SLC9A3: variants seen among roughly 807,000 people sequenced by gnomAD.
The protein encoded by SLC9A3 is solute carrier family 9 member A3, also known as sodium/hydrogen exchanger 3.
In SLC9A3, 37 loss-of-function variants were observed where a neutral mutation model predicts 86.8. The ratio of observed to expected loss-of-function variants is 0.43; its 90% CI spans 0.33 to 0.56. SLC9A3 has a LOEUF of 0.56. Among genes scored for constraint, SLC9A3 ranks in the 20% least tolerant of loss-of-function variants. The pLI, the probability that SLC9A3 is intolerant of heterozygous loss-of-function variation, is 0.06. For missense variants in SLC9A3, 1,011 were observed against 1,171.9 expected (o/e 0.86, Z 2.00); for synonymous variants, 581 against 528.3 (o/e 1.10, Z -1.37).
intron 10 of SLC9A3, chr5:477,684 GTCA>G: frequency 2.0e-6 from 1 of 490,528 alleles, no homozygotes. Flanking sequence ...CTGGGCAGAG[GTCA>G]TGCTTGTGGG....
In SLC9A3 at chr5:471,995, G is replaced by A. The variant is rs773915247; in HGVS notation, c.*1384C>T. 2.2e-6 allele frequency: 1 copy of A among 456,658 alleles called. No homozygotes were observed. Among genetic ancestry groups the A allele is most frequent in the African/African-American group, 2.0e-5 (1 of 50,210 alleles). The allele number at this position is 456,658 out of a possible 1,614,324, so 28.3% of individuals were successfully genotyped here. On this transcript the variant is annotated 3_prime_UTR_variant, in exon 17 of 17. Transcript: ENST00000264938. The stretch of plus-strand genomic sequence containing the variant: ...AACGTGAATAGTTTAATTTTCCTGA[G>A]CAAGGAGCTGCGAGTCTAGCTTTAG...
At position 476,337 on chromosome 5, in the gene SLC9A3, C is replaced by T. The variant is rs776115415; in HGVS notation, c.1932G>A (p.Glu644=). Residue 644 remains glutamate, a synonymous_variant, in exon 13 of 17, where the codon GAG becomes GAA. Coordinates refer to ENST00000264938, the MANE Select transcript of SLC9A3 (RefSeq NM_004174.4). ...LYSRHELTPT[E]DEKQDREIFH... is the part of the protein sequence containing the mutation. The stretch of plus-strand genomic sequence containing the variant: ...AGATTTCCCGGTCCTGTTTCTCGTC[C>T]TCCGTGGGCGTGAGCTCGTGTCGGC... The T allele has an allele frequency of 5.6e-6, 9 of 1,613,824 alleles. No homozygotes were observed. The South Asian group carries it at 6.6e-5, about 12-fold the overall frequency.
In SLC9A3 at chr5:473,305, G is replaced by A. The variant is rs111752778; in HGVS notation, c.*74C>T. On this transcript the variant is annotated 3_prime_UTR_variant, in exon 17 of 17. Transcript: ENST00000264938. Reference sequence around the variant, plus strand: ...CGCGCGGGGATCTGGGGTTTCTCTGGGACAGCGGCGGCGGCGGTGGGCGGA... The same window carrying A: ...CGCGCGGGGATCTGGGGTTTCTCTGAGACAGCGGCGGCGGCGGTGGGCGGA... The A allele has an allele frequency of 6.6e-6, 9 of 1,363,044 alleles. No individual in the cohort carries two copies. Among genetic ancestry groups the A allele is most frequent in the East Asian group, 3.1e-5 (1 of 32,334 alleles). 84.4% of individuals were successfully genotyped at this position (1,363,044 alleles called of 1,614,324 possible).
intron 4 of SLC9A3, 113 bp from the exon 5 acceptor site, chr5:484,810 C>A: frequency 1.0e-6 from 1 of 1,003,270 alleles, no homozygotes; most frequent in South Asian, 1.5e-5. Flanking sequence ...GGGTGGATCC[C>A]TCACTCTCTT....
At chr5:495,231 C>G (rs546976396) in intron 1 of SLC9A3, among the ~76,000 whole-genome samples, 1 of 152,108 alleles carries the variant, frequency 6.6e-6, no homozygotes, top group Non-Finnish European at 1.5e-5. Context: ...CAGCCACAGT[C>G]TTCCAAAATT....
intron 2 of SLC9A3, among the ~76,000 whole-genome samples, chr5:489,414 G>C (rs1485685037): frequency 6.6e-6 from 1 of 152,302 alleles, no homozygotes; most frequent in Non-Finnish European, 1.5e-5. Flanking sequence ...GCTGAGGCTC[G>C]GGCTGAGGAG....
Position 483,270 on chromosome 5 carries a change from C to G in SLC9A3, c.1145G>C (p.Arg382Pro). 6.5e-7 allele frequency: 1 copy of G among 1,544,888 alleles called. No homozygotes were observed. ...ACCCGGCCCCGCCTCACCGATGGCC[C>G]GGTACACGGAGATGAAGACCAGCGT... Reference protein sequence around the residue: ...LLTLVFISVYRAIGVVLQTWL... With the variant: ...LLTLVFISVYPAIGVVLQTWL... The change falls in exon 6 of 17, where the codon CGG becomes CCG. Residue 382 changes from arginine to proline, a missense_variant. By Grantham distance (103) the Arg-to-Pro change is moderately radical (BLOSUM62 -2). Coordinates refer to ENST00000264938, the MANE Select transcript of SLC9A3 (RefSeq NM_004174.4).
At chr5:514,488 G>T (rs954765582) in intron 1 of SLC9A3, among the ~76,000 whole-genome samples, 1 of 152,232 alleles carries the variant, frequency 6.6e-6, no homozygotes, top group Non-Finnish European at 1.5e-5. Flanking sequence ...CCTGTCGGGG[G>T]CTTTGCTCAC....
intron 9 of SLC9A3, chr5:480,890 A>C (rs1374490463): frequency 6.6e-6 from 1 of 152,298 alleles, no homozygotes; most frequent in Non-Finnish European, 1.5e-5. Flanking sequence ...CTTAATGGAC[A>C]AACTCTTTTT....
At chr5:506,750 C>A (rs998974110) in intron 1 of SLC9A3, among the ~76,000 whole-genome samples, 1 of 152,130 alleles carries the variant, frequency 6.6e-6, no homozygotes, top group South Asian at 2.1e-4. Flanking sequence ...AAGGATAAAA[C>A]GTGTTATTTA....
At chr5:501,253 G>A (rs1740264528) in intron 1 of SLC9A3, among the ~76,000 whole-genome samples, 1 of 152,162 alleles carries the variant, frequency 6.6e-6, no homozygotes, top group Non-Finnish European at 1.5e-5. Context: ...CACACCCCTC[G>A]GAGCACAGAG....
At chr5:474,168 TGCGGAGAGGGGTTAG>T (rs1325248222) in intron 16 of SLC9A3, among the ~76,000 whole-genome samples, 1 of 119,182 alleles carries the variant, frequency 8.4e-6, no homozygotes, top group Non-Finnish European at 1.7e-5. Context: ...GGAGAGGAGC[TGCGGAGAGGGGTTAG>T]GCGGGGAGGG....
rs1579754470 is a variant in SLC9A3 at position 472,385 on chromosome 5, G to T, written c.*994C>A. 6 of 334,666 alleles carry T rather than the reference G, an allele frequency of 1.8e-5. No homozygotes were observed. Among genetic ancestry groups the T allele is most frequent in the South Asian group, 1.4e-4 (6 of 44,304 alleles). 20.7% of individuals were successfully genotyped at this position (334,666 alleles called of 1,614,324 possible). The stretch of plus-strand genomic sequence containing the variant: ...CTCCATGCCCCCTGGTTTGTTAAGG[G>T]GGACAGAGCAGCTGCTGGGCCCCAC... On this transcript the variant is annotated 3_prime_UTR_variant, in exon 17 of 17. Coordinates refer to ENST00000264938, the MANE Select transcript of SLC9A3 (RefSeq NM_004174.4).
chr5:511,419 C>A (rs1289567189), intron 1 of SLC9A3, among the ~76,000 whole-genome samples: 2 of 152,298 alleles, frequency 1.3e-5, no homozygotes, highest in Non-Finnish European at 2.9e-5. Context: ...GTTTATCATT[C>A]AAACATACAA....
chr5:507,232 G>C (rs1198745996), intron 1 of SLC9A3, among the ~76,000 whole-genome samples: 3 of 105,206 alleles, frequency 2.9e-5, no homozygotes, highest in African/African-American at 3.9e-5. Flanking sequence ...GCGGTGGCGC[G>C]ATCTGGGCTC....
rs79593791 is a variant in SLC9A3, at chr5:504,503, G to A, written c.212-12432C>T. ...AGCCTCCTCCAGTGTGTCCGGCGGC[G>A]GCAGCCAGGGAGGGTGCCGGGACCT... On this transcript the variant is annotated intron_variant, in intron 1 of 16. Coordinates refer to ENST00000264938, the MANE Select transcript of SLC9A3 (RefSeq NM_004174.4). Among the ~76,000 whole-genome samples, 45 of 152,300 alleles carry A rather than the reference G, an allele frequency of 3.0e-4. No individual in the cohort carries two copies. The East Asian group carries it at 7.5e-3, about 26-fold the overall frequency.
At chr5:477,801 T>C in intron 10 of SLC9A3, 1 of 207,868 alleles carries the variant, frequency 4.8e-6, no homozygotes, top group South Asian at 8.7e-5. Flanking sequence ...TCTCTGTCCC[T>C]GCAGGAGACC....
chr5:502,262 G>A (rs1217513489), intron 1 of SLC9A3, among the ~76,000 whole-genome samples: 1 of 152,222 alleles, frequency 6.6e-6, no homozygotes, highest in African/African-American at 2.4e-5. Context: ...CTTCCTCTCT[G>A]GGACCCAGCC....
chr5:503,253 G>C (rs560032843), intron 1 of SLC9A3, among the ~76,000 whole-genome samples: 2 of 152,218 alleles, frequency 1.3e-5, no homozygotes, highest in African/African-American at 4.8e-5. Flanking sequence ...AGCCTCAGTG[G>C]CCTGTGGGGC....
Sources: allele counts gnomAD v4.1 joint callset (sites outside exome capture counted in the v4.1 genomes callset), GRCh38; gene constraint gnomAD v4.1.1; transcripts MANE v1.5; gene names NCBI Gene and HGNC (gene_info 2026-07-23, HGNC 2026-07-21).